XAB2: variants seen among roughly 807,000 people sequenced by gnomAD.
The protein encoded by XAB2 is pre-mRNA-splicing factor SYF1.
In XAB2, 57 loss-of-function variants were observed where a neutral mutation model predicts 113.4. That is an observed-to-expected ratio of 0.50 (90% CI 0.41 to 0.63). The LOEUF is 0.63. Ranked by LOEUF, XAB2 falls within the 20% of genes least tolerant of loss-of-function variation. The pLI, the probability that XAB2 is intolerant of heterozygous loss-of-function variation, is 0.00. For missense variants in XAB2, 1,037 were observed against 1,233.3 expected (o/e 0.84, Z 2.38); for synonymous variants, 497 against 498.8 (o/e 1.00, Z 0.05).
rs761096497 is a variant in XAB2, at chr19:7,622,799, C to T, written c.1334G>A (p.Arg445Gln). Residue 445 changes from arginine (R) to glutamine (Q), a missense_variant, in exon 10 of 19, where the codon CGA becomes CAA. Coordinates refer to ENST00000358368, the MANE Select transcript of XAB2 (RefSeq NM_020196.3). ...CAAGGCCTCATCGTAGTTCTCGTGT[C>T]GGAGCTCCAGCTCTCCGCACTGACA... The part of the protein sequence containing the change: ...VWCQCGELEL[R>Q]HENYDEALRL... 2.6e-5 allele frequency: 42 copies of T among 1,614,004 alleles called. No individual in the cohort carries two copies. Among genetic ancestry groups the T allele is most frequent in the Admixed American group, 6.7e-5 (4 of 60,002 alleles).
rs1432985549 is a variant in XAB2 at position 7,628,677 on chromosome 19, G to C, written c.52-379C>G. Among the ~76,000 whole-genome samples the C allele has an allele frequency of 6.6e-6, 1 of 152,042 alleles. No homozygotes were observed. Among genetic ancestry groups the C allele is most frequent in the African/African-American group, 2.4e-5 (1 of 41,378 alleles). ...ACCAGACCCCACTTCTTCAAAACGT[G>C]CCTCTTCCCAGACACCAGGCCTTTG... On this transcript the variant is annotated intron_variant, in intron 1 of 18. Coordinates refer to ENST00000358368, the MANE Select transcript of XAB2 (RefSeq NM_020196.3). The surrounding 1 kb of genome is among the most constrained non-coding windows in gnomAD (Gnocchi z 4.6).
At position 7,620,457 on chromosome 19, in the gene XAB2, G is replaced by A. The variant is rs2031006569; in HGVS notation, c.2095-11C>T. ...GAACGCGCCGGTCGTCTGCGTGGGG[G>A]GCAGGGCAGGGGTGGGTGTGTGTGC... On this transcript the variant is annotated splice_polypyrimidine_tract_variant and intron_variant, in intron 15 of 18. Coordinates refer to ENST00000358368, the MANE Select transcript of XAB2 (RefSeq NM_020196.3). The A allele has an allele frequency of 3.1e-6, 5 of 1,608,460 alleles. No individual in the cohort carries two copies. Among genetic ancestry groups the A allele is most frequent in the Non-Finnish European group, 4.2e-6 (5 of 1,177,900 alleles).
chr19:7,622,511 C>A lies in XAB2; in HGVS notation c.1503+19G>T. 3 of 1,613,918 alleles carry A rather than the reference C, an allele frequency of 1.9e-6. No homozygotes were observed. Among genetic ancestry groups the A allele is most frequent in the Non-Finnish European group, 2.5e-6 (3 of 1,180,008 alleles). Reference sequence around the variant, plus strand: ...GCTGAGTCCGGGGCCCCGTCCCTCCCCAGCCACAGGCAGCTCACCTGGAAG... The same window carrying A: ...GCTGAGTCCGGGGCCCCGTCCCTCCACAGCCACAGGCAGCTCACCTGGAAG... On this transcript the variant is annotated intron_variant, in intron 11 of 18. Coordinates refer to ENST00000358368, the MANE Select transcript of XAB2 (RefSeq NM_020196.3).
At position 7,621,688 on chromosome 19, in the gene XAB2, G is replaced by A. The variant is rs542015010; in HGVS notation, c.1618-391C>T. The A allele has an allele frequency of 2.7e-5, 6 of 221,316 alleles. No individual in the cohort carries two copies. In the South Asian group the frequency reaches 5.2e-4, roughly 19 times the overall value. The allele number at this position is 221,316 out of a possible 1,614,324, so 13.7% of individuals were successfully genotyped here. A position where few individuals can be genotyped will look rare whatever the true frequency, so the allele number is the denominator to read the frequency against. On this transcript the variant is annotated intron_variant, in intron 12 of 18. Coordinates refer to ENST00000358368, the MANE Select transcript of XAB2 (RefSeq NM_020196.3). ...CTCCCCATTTGTGTATCTGTATAAT[G>A]CCCACACGATCCATAGAAACACACA...
Position 7,623,967 on chromosome 19 carries a change from T to G in XAB2, c.968-85A>C. On this transcript the variant is annotated intron_variant, in intron 7 of 18. Coordinates refer to ENST00000358368, the MANE Select transcript of XAB2 (RefSeq NM_020196.3). This position sits in a 1 kb window ranked among gnomAD's most constrained non-coding sequence, Gnocchi z 4.6. ...CACCGCCTCCACTCCCCACCCTCAC[T>G]CCGCTCCAGCCCCCAGCCAAGTGCT... 1 of 1,438,456 alleles carries G rather than the reference T, an allele frequency of 7.0e-7. No homozygotes were observed. Among genetic ancestry groups the G allele is most frequent in the Non-Finnish European group, 9.2e-7 (1 of 1,085,738 alleles). 89.1% of individuals were successfully genotyped at this position (1,438,456 alleles called of 1,614,324 possible). A position where few individuals can be genotyped will look rare whatever the true frequency, so the allele number is the denominator to read the frequency against.
Position 7,624,710 on chromosome 19 carries a change from C to T in XAB2, c.823-265G>A, listed in dbSNP as rs531376562. ...CCCTTTGCACACAGTGACCTCAGGG[C>T]TCGACTGAGACACATGTGTGAAGCA... On this transcript the variant is annotated intron_variant, in intron 6 of 18. Coordinates refer to ENST00000358368, the MANE Select transcript of XAB2 (RefSeq NM_020196.3). The surrounding 1 kb of genome is among the most constrained non-coding windows in gnomAD (Gnocchi z 4.2). Among the ~76,000 whole-genome samples, 11 of 152,242 alleles carry T rather than the reference C, an allele frequency of 7.2e-5. No individual in the cohort carries two copies. In the East Asian group the frequency reaches 1.9e-3, roughly 27 times the overall value.
At position 7,623,824 on chromosome 19, in the gene XAB2, G is replaced by A. The variant is rs1568454382; in HGVS notation, c.1026C>T (p.Pro342=). 6.2e-7 allele frequency: 1 copy of A among 1,610,976 alleles called. No homozygotes were observed. Among genetic ancestry groups the A allele is most frequent in the Non-Finnish European group, 8.5e-7 (1 of 1,179,384 alleles). Residue 342 remains proline, a synonymous_variant, in exon 8 of 19, where the codon CCC becomes CCT. Transcript: ENST00000358368. This position sits in a 1 kb window ranked among gnomAD's most constrained non-coding sequence, Gnocchi z 4.6. ...GCAGCAAGACGCTGTTGAGGAGCAG[G>A]GGCCGCCGGCTGATGAGCTGCTCGA... ...ARFEQLISRR[P]LLLNSVLLRQ...
In XAB2 at chr19:7,619,864, C is replaced by A; in HGVS notation, c.2397-8G>T. ...TCCCGGGAGGCGTCACTCCTAGGGA[C>A]GGGCCATGCTGCCTCAGTTCCCCAC... On this transcript the variant is annotated splice_region_variant and splice_polypyrimidine_tract_variant and intron_variant, in intron 17 of 18. Coordinates refer to ENST00000358368, the MANE Select transcript of XAB2 (RefSeq NM_020196.3). 4.3e-6 allele frequency: 7 copies of A among 1,611,336 alleles called. No homozygotes were observed. Among genetic ancestry groups the A allele is most frequent in the Non-Finnish European group, 5.9e-6 (7 of 1,179,860 alleles).
At chr19:7,626,350 T>C in intron 4 of XAB2, 80 bp from the exon 5 acceptor site, 1 of 1,546,290 alleles carries the variant, frequency 6.5e-7, no homozygotes, top group Non-Finnish European at 8.7e-7. Context: ...CTTCGGGGCG[T>C]CCCCCCCCAC....
rs1439285547 is a variant in XAB2 at position 7,620,586 on chromosome 19, C to A, written c.2055G>T (p.Arg685=). The A allele has an allele frequency of 1.2e-6, 2 of 1,613,374 alleles. No homozygotes were observed. Among genetic ancestry groups the A allele is most frequent in the Admixed American group, 1.7e-5 (1 of 60,026 alleles). ...ECKLGEIDRA[R]AIYSFCSQIC... is the part of the protein sequence containing the mutation. ...TCTGGGAGCAGAAGCTGTAGATGGC[C>A]CGGGCGCGGTCAATCTCCCCGAGCT... The change falls in exon 15 of 19, where the codon CGG becomes CGT. Residue 685 remains arginine, a synonymous_variant. Coordinates refer to ENST00000358368, the MANE Select transcript of XAB2 (RefSeq NM_020196.3).
rs2146188830 is a variant in XAB2 at position 7,626,392 on chromosome 19, C to T, written c.523-122G>A. 2.9e-6 allele frequency: 4 copies of T among 1,399,058 alleles called. No homozygotes were observed. In the South Asian group the frequency reaches 3.8e-5, roughly 13 times the overall value. The allele number at this position is 1,399,058 out of a possible 1,614,324, so 86.7% of individuals were successfully genotyped here. On this transcript the variant is annotated intron_variant, in intron 4 of 18. Transcript: ENST00000358368. ...ATGAGTGTCTTGGGCAAAAGCAAGC[C>T]CTGTCAAACCAGCCTCAGCCCCACT... is the stretch of plus-strand genomic sequence containing the variant.
At chr19:7,626,339 G>C (rs1037416173) in intron 4 of XAB2, 69 bp from the exon 5 acceptor site, 2 of 1,567,490 alleles carry the variant, frequency 1.3e-6, no homozygotes, top group African/African-American at 2.7e-5. Flanking sequence ...CGATTCAGTG[G>C]CTTCGGGGCG....
rs535891951 is a variant in XAB2, at chr19:7,624,403, C to T, written c.865G>A (p.Val289Met). The change falls in exon 7 of 19, where the codon GTG becomes ATG. Residue 289 changes from valine to methionine, a missense_variant. Val to Met is a conservative substitution (Grantham distance 21). Coordinates refer to ENST00000358368, the MANE Select transcript of XAB2 (RefSeq NM_020196.3). The surrounding 1 kb of genome is among the most constrained non-coding windows in gnomAD (Gnocchi z 4.2). ...YEEAIRTVMT[V>M]RDFTQVFDSY... The stretch of plus-strand genomic sequence containing the variant: ...TCAAACACCTGTGTGAAGTCCCGCA[C>T]GGTCATCACTGTCCGGATGGCCTCC... 23 of 1,614,170 alleles carry T rather than the reference C, an allele frequency of 1.4e-5. No homozygotes were observed. The highest frequency in any genetic ancestry group is 1.7e-4 in the Middle Eastern group (1 of 6,060).
At position 7,624,882 on chromosome 19, in the gene XAB2, T is replaced by A. The variant is rs1436764812; in HGVS notation, c.823-437A>T. ...CTGACCCTCTTCCCCAGCCCGCCTG[T>A]CCTCCACCTGGCTCGCCCACCCCAG... is the stretch of plus-strand genomic sequence containing the variant. On this transcript the variant is annotated intron_variant, in intron 6 of 18. Transcript: ENST00000358368. The surrounding 1 kb of genome is among the most constrained non-coding windows in gnomAD (Gnocchi z 4.2). 6.6e-6 allele frequency among the ~76,000 whole-genome samples: 1 copy of A among 152,110 alleles called. No individual in the cohort carries two copies. The highest frequency in any genetic ancestry group is 6.6e-5 in the Admixed American group (1 of 15,252).
In XAB2 at chr19:7,620,060, G is replaced by A. The variant is rs1164063630; in HGVS notation, c.2282C>T (p.Pro761Leu). The change falls in exon 17 of 19, where the codon CCT becomes CTT. Residue 761 changes from proline (P) to leucine (L), a missense_variant. Physicochemically the swap from Pro to Leu is moderately conservative, Grantham distance 98. Transcript: ENST00000358368. Reference sequence around the variant, plus strand: ...CATGTCGTCCATGCCACTCTGCCCAGGGGCCAGGTCAGACACTAGGGGGTG... The same window carrying A: ...CATGTCGTCCATGCCACTCTGCCCAAGGGCCAGGTCAGACACTAGGGGGTG... ...SATGTVSDLAPGQSGMDDMKL... is the reference protein window; with the variant it reads ...SATGTVSDLALGQSGMDDMKL... 1 of 1,611,734 alleles carries A rather than the reference G, an allele frequency of 6.2e-7. No homozygotes were observed. Among genetic ancestry groups the A allele is most frequent in the African/African-American group, 1.3e-5 (1 of 74,944 alleles).
rs4134865 is a variant in XAB2, at chr19:7,620,437, C to A, written c.2104G>T (p.Ala702Ser). The change falls in exon 16 of 19, where the codon GCG (alanine) becomes TCG (serine). Residue 702 changes from alanine to serine, a missense_variant. Coordinates refer to ENST00000358368, the MANE Select transcript of XAB2 (RefSeq NM_020196.3). ...SQICDPRTTG[A>S]FWQTWKDFEV... is the part of the protein sequence containing the mutation. ...AAGTCCTTCCACGTCTGCCAGAACG[C>A]GCCGGTCGTCTGCGTGGGGGGCAGG... The A allele has an allele frequency of 6.2e-6, 10 of 1,608,792 alleles. No individual in the cohort carries two copies. In the Admixed American group the frequency reaches 1.0e-4, roughly 16 times the overall value.
At position 7,623,725 on chromosome 19, in the gene XAB2, A is replaced by G; in HGVS notation, c.1119+6T>C. 6.3e-7 allele frequency: 1 copy of G among 1,592,016 alleles called. No homozygotes were observed. Among genetic ancestry groups the G allele is most frequent in the South Asian group, 1.1e-5 (1 of 88,726 alleles). On this transcript the variant is annotated splice_donor_region_variant and intron_variant, in intron 8 of 18. Coordinates refer to ENST00000358368, the MANE Select transcript of XAB2 (RefSeq NM_020196.3). This position sits in a 1 kb window ranked among gnomAD's most constrained non-coding sequence, Gnocchi z 4.6. ...CAGGGGTAGGACTGGGGCAGGCTTC[A>G]TGTACCTCCCGGGGGCGGCCCTGGT...
chr19:7,620,813 T>C, intron 14 of XAB2, 33 bp downstream of exon 14: 2 of 1,563,340 alleles, frequency 1.3e-6, no homozygotes, highest in Non-Finnish European at 1.7e-6. Flanking sequence ...CTCAGGGACC[T>C]CTGGCCCCGG....
chr19:7,619,778 C>T lies in XAB2; in HGVS notation c.2475G>A (p.Glu825=). 1 of 1,613,804 alleles carries T rather than the reference C, an allele frequency of 6.2e-7. No homozygotes were observed. Among genetic ancestry groups the T allele is most frequent in the Non-Finnish European group, 8.5e-7 (1 of 1,179,940 alleles). Residue 825 remains glutamate, a synonymous_variant, in exon 18 of 19, where the codon GAG becomes GAA. Transcript: ENST00000358368. ...NPEEIQLGED[E]DEDEMDLEPN... ...GCTCCAGGTCCATCTCGTCCTCGTC[C>T]TCGTCCTCGCCCAGCTGGATCTCCT...
Sources: allele counts gnomAD v4.1 joint callset (sites outside exome capture counted in the v4.1 genomes callset), GRCh38; gene constraint gnomAD v4.1.1; non-coding constraint Gnocchi (gnomAD v3.1); transcripts MANE v1.5; gene names NCBI Gene and HGNC (gene_info 2026-07-23, HGNC 2026-07-21).